Variants in LHX8 observed in about 807,000 individuals in gnomAD.
The protein encoded by LHX8 is LIM/homeobox protein Lhx8.
In LHX8, 12 loss-of-function variants were observed where a neutral mutation model predicts 40.3. The observed-to-expected ratio is 0.30, with a 90% CI of 0.19 to 0.48. The LOEUF (loss-of-function observed/expected upper bound fraction) is 0.48, where lower values mean the gene tolerates loss of function less well. Ranked by LOEUF, LHX8 falls within the 20% of genes least tolerant of loss-of-function variation. The probability of loss-of-function intolerance (pLI) is 0.99; values close to 1 mark genes in which losing one functional copy is unlikely to be tolerated. For missense variants in LHX8, 344 were observed against 433.7 expected, an observed-to-expected ratio of 0.79 and a Z score of 1.84; for synonymous variants, 179 against 162.0, an observed-to-expected ratio of 1.10 and a Z score of -0.80.
chr1:75,139,904 T>C (rs1216666775), intron 3 of LHX8, among the ~76,000 whole-genome samples: 1 of 152,206 alleles, frequency 6.6e-6, no homozygotes, highest in Non-Finnish European at 1.5e-5. Flanking sequence ...GCAAAAGCCA[T>C]ATCTCACAGT....
chr1:75,174,248 C>A, the LHX8 span, among the ~76,000 whole-genome samples: 1 of 152,088 alleles, frequency 6.6e-6, no homozygotes, highest in Non-Finnish European at 1.5e-5. Flanking sequence ...GGTCATCTAC[C>A]CTGCCCCCTA....
At chr1:75,166,011 T>C (rs1360342396), downstream of LHX8, among the ~76,000 whole-genome samples, 1 of 152,020 alleles carries the variant, frequency 6.6e-6, no homozygotes, top group Non-Finnish European at 1.5e-5. Context: ...GTGAGATGAA[T>C]GGAAAAAAGA....
chr1:75,130,766 T>C (rs1647941353), upstream of LHX8: 1 of 1,608,250 alleles, frequency 6.2e-7, no homozygotes, highest in African/African-American at 1.3e-5. Flanking sequence ...AGAAGCAATC[T>C]CCTAAAGTCT....
the LHX8 span, among the ~76,000 whole-genome samples, chr1:75,177,858 T>G: frequency 6.6e-6 from 1 of 152,216 alleles, no homozygotes; most frequent in Non-Finnish European, 1.5e-5. Flanking sequence ...CATCAATACC[T>G]AGTTTATTGA....
chr1:75,149,581 T>C (rs1019821523), intron 7 of LHX8, among the ~76,000 whole-genome samples: 1 of 152,102 alleles, frequency 6.6e-6, no homozygotes, highest in African/African-American at 2.4e-5. Context: ...TGAAACAGGG[T>C]CATGGGTGGC....
intron 6 of LHX8, among the ~76,000 whole-genome samples, chr1:75,145,188 T>G (rs1189356254): frequency 2.6e-5 from 4 of 152,164 alleles, no homozygotes; most frequent in Non-Finnish European, 4.4e-5. Flanking sequence ...AGCCTTGCTT[T>G]CTGGGTTCTT....
At chr1:75,173,662 G>A in the LHX8 span, among the ~76,000 whole-genome samples, 15 of 152,114 alleles carry the variant, frequency 9.9e-5, no homozygotes, top group African/African-American at 2.4e-4. Context: ...GATTACAGGC[G>A]TGAGCCACCG....
chr1:75,142,408 A>T (rs898992549), intron 4 of LHX8, among the ~76,000 whole-genome samples: 1 of 152,182 alleles, frequency 6.6e-6, no homozygotes, highest in African/African-American at 2.4e-5. Context: ...CTGTAAGAAG[A>T]AAAGAACTAT....
the LHX8 span, among the ~76,000 whole-genome samples, chr1:75,193,994 A>G: frequency 8.3e-3 from 1,264 of 152,312 alleles, 14 homozygotes; most frequent in Non-Finnish European, 0.015. Flanking sequence ...CTCTCCCATC[A>G]GACCAAGGGC....
chr1:75,174,595 T>G, the LHX8 span, among the ~76,000 whole-genome samples: 1 of 152,124 alleles, frequency 6.6e-6, no homozygotes, highest in African/African-American at 2.4e-5. Context: ...AACCAATTCC[T>G]TCCCCTAATT....
chr1:75,176,017 C>A, the LHX8 span, among the ~76,000 whole-genome samples: 1 of 152,140 alleles, frequency 6.6e-6, no homozygotes, highest in Non-Finnish European at 1.5e-5. Flanking sequence ...TTTTTTGTGG[C>A]TGCATAGTAT....
At chr1:75,190,155 G>A in the LHX8 span, among the ~76,000 whole-genome samples, 1 of 152,162 alleles carries the variant, frequency 6.6e-6, no homozygotes, top group African/African-American at 2.4e-5. Context: ...TCTTTTTAGG[G>A]TAGGATTCCT....
At chr1:75,169,580 C>T in the LHX8 span, among the ~76,000 whole-genome samples, 9 of 152,194 alleles carry the variant, frequency 5.9e-5, no homozygotes, top group African/African-American at 4.8e-5. Context: ...CCTCACAAAC[C>T]GTACTCCAAT....
the LHX8 span, among the ~76,000 whole-genome samples, chr1:75,191,222 T>A: frequency 1.6e-4 from 25 of 151,856 alleles, no homozygotes; most frequent in East Asian, 4.8e-3. Flanking sequence ...AGGCCAAGAA[T>A]GAAGAGCAAA....
rs530167197 is a variant in LHX8 at position 75,147,510 on chromosome 1, A to G, written c.685-1077A>G. Reference sequence around the variant, plus strand: ...GCTACCCTGTGACAAGTGCAGTGGCAGAAGATAGCATTATATGAGGAGCAT... The same window carrying G: ...GCTACCCTGTGACAAGTGCAGTGGCGGAAGATAGCATTATATGAGGAGCAT... On this transcript the variant is annotated intron_variant, in intron 6 of 8. Transcript: ENST00000356261. Among the ~76,000 whole-genome samples the G allele has an allele frequency of 5.9e-5, 9 of 152,316 alleles. No homozygotes were observed. The East Asian group carries it at 1.7e-3, about 29-fold the overall frequency.
chr1:75,175,092 T>C, the LHX8 span, among the ~76,000 whole-genome samples: 1 of 152,246 alleles, frequency 6.6e-6, no homozygotes, highest in Non-Finnish European at 1.5e-5. Context: ...TTACTGCACT[T>C]AGAATAATGG....
chr1:75,194,589 T>C, the LHX8 span, among the ~76,000 whole-genome samples: 8 of 152,202 alleles, frequency 5.3e-5, no homozygotes, highest in Non-Finnish European at 1.0e-4. Context: ...CTAATGTCTC[T>C]GTTTGAGGCT....
intron 4 of LHX8, among the ~76,000 whole-genome samples, chr1:75,142,412 G>T (rs1648340384): frequency 6.6e-6 from 1 of 152,210 alleles, no homozygotes; most frequent in Non-Finnish European, 1.5e-5. Context: ...AAGAAGAAAA[G>T]AACTATTTAC....
At chr1:75,163,210 A>C (rs1279606345), downstream of LHX8, among the ~76,000 whole-genome samples, 1 of 152,174 alleles carries the variant, frequency 6.6e-6, no homozygotes, top group Non-Finnish European at 1.5e-5. Context: ...ACCTGTTTTG[A>C]ATATCCCATA....
Sources: gnomAD v4.1 joint callset for allele counts (sites outside exome capture counted in the v4.1 genomes callset) on GRCh38, gnomAD v4.1.1 for gene constraint, MANE v1.5 for transcripts, NCBI Gene and HGNC (gene_info 2026-07-23, HGNC 2026-07-21) for gene names.